UNC5B: variants seen among roughly 807,000 people sequenced by gnomAD.
UNC5B encodes the protein netrin receptor UNC5B.
A neutral mutation model predicts 103.7 loss-of-function variants in UNC5B; 56 were observed. The observed-to-expected ratio is 0.54, with a 90% CI of 0.44 to 0.67. The LOEUF is 0.67. Among genes scored for constraint, UNC5B ranks in the 30% least tolerant of loss-of-function variants. The pLI, the probability that UNC5B is intolerant of heterozygous loss-of-function variation, is 0.00. For synonymous variants in UNC5B, 577 were observed against 542.0 expected (o/e 1.06, Z -0.90); for missense variants, 1,194 against 1,284.5 (o/e 0.93, Z 1.08).
chr10:71,278,054 G>A (rs1844814330), intron 1 of UNC5B, among the ~76,000 whole-genome samples: 1 of 152,216 alleles, frequency 6.6e-6, no homozygotes, highest in African/African-American at 2.4e-5. Context: ...CTTTTGATCT[G>A]CCTCTTGTTA....
At chr10:71,247,694 A>G (rs1370297971) in intron 1 of UNC5B, among the ~76,000 whole-genome samples, 2 of 152,212 alleles carry the variant, frequency 1.3e-5, no homozygotes, top group Non-Finnish European at 2.9e-5. Flanking sequence ...AGCGAGCCAC[A>G]GCACCCACAC....
chr10:71,216,243 G>A (rs1009316783), intron 1 of UNC5B, among the ~76,000 whole-genome samples: 5 of 152,180 alleles, frequency 3.3e-5, no homozygotes, highest in African/African-American at 1.2e-4. Flanking sequence ...CCACCATCAT[G>A]GGTGTGGGCT....
chr10:71,255,291 T>C (rs1340019674), intron 1 of UNC5B, among the ~76,000 whole-genome samples: 1 of 152,208 alleles, frequency 6.6e-6, no homozygotes, highest in Non-Finnish European at 1.5e-5. Context: ...AGTAGAATTC[T>C]AGGTAAAAAG....
chr10:71,227,705 T>TACACACAC (rs1457951155), intron 1 of UNC5B, among the ~76,000 whole-genome samples: 58 of 120,682 alleles, frequency 4.8e-4, no homozygotes, highest in African/African-American at 9.0e-4. Context: ...TATACACACA[T>TACACACAC]ATACACACAC....
rs1844872645 is a variant in UNC5B, at chr10:71,279,857, T to TG, written c.116_117insG (p.Phe39LeufsTer61). On this transcript the variant is annotated frameshift_variant, in exon 2 of 17. Coordinates refer to ENST00000335350, the MANE Select transcript of UNC5B (RefSeq NM_170744.5). LOFTEE classifies it high-confidence loss of function. Reference sequence around the variant, plus strand: ...GGCAGCGAGGTGCTCCCTGACTCCTTCCCGTCAGCGCCAGCAGAGCCGCTG... The same window carrying TG: ...GGCAGCGAGGTGCTCCCTGACTCCTTGCCCGTCAGCGCCAGCAGAGCCGCTG... 3.1e-6 allele frequency: 5 copies of TG among 1,613,738 alleles called. No individual in the cohort carries two copies. The highest frequency in any genetic ancestry group is 4.2e-6 in the Non-Finnish European group (5 of 1,179,856).
At chr10:71,234,305 A>G (rs150556819) in intron 1 of UNC5B, among the ~76,000 whole-genome samples, 80 of 152,272 alleles carry the variant, frequency 5.3e-4, no homozygotes, top group African/African-American at 1.9e-3. Context: ...CCTCACGGAG[A>G]TGAGGCTTCA....
At chr10:71,290,800 C>CTCA in intron 8 of UNC5B, 115 bp from the exon 9 acceptor site, 3 of 1,300,322 alleles carry the variant, frequency 2.3e-6, no homozygotes, top group Non-Finnish European at 3.1e-6. Context: ...CAGACTGGAA[C>CTCA]TCAGCACCGG....
At chr10:71,255,829 A>G (rs1259130628) in intron 1 of UNC5B, among the ~76,000 whole-genome samples, 1 of 152,190 alleles carries the variant, frequency 6.6e-6, no homozygotes, top group African/African-American at 2.4e-5. Context: ...CTTGCATCCG[A>G]AGCCAAAGGG....
At chr10:71,260,182 C>G (rs780548542) in intron 1 of UNC5B, among the ~76,000 whole-genome samples, 1 of 152,244 alleles carries the variant, frequency 6.6e-6, no homozygotes, top group African/African-American at 2.4e-5. Context: ...CTTTTGCCAG[C>G]TGTCTCCAGC....
At chr10:71,275,392 A>C (rs547525653) in intron 1 of UNC5B, among the ~76,000 whole-genome samples, 36 of 152,332 alleles carry the variant, frequency 2.4e-4, no homozygotes, top group African/African-American at 8.7e-4. Context: ...AGTCCTGCAG[A>C]GAGGCCAGGG....
At chr10:71,278,186 T>C (rs1257526981) in intron 1 of UNC5B, among the ~76,000 whole-genome samples, 1 of 152,208 alleles carries the variant, frequency 6.6e-6, no homozygotes, top group Non-Finnish European at 1.5e-5. Context: ...GTTAACAACT[T>C]AAATTCCTGC....
In UNC5B at chr10:71,287,609, T is replaced by C; in HGVS notation, c.745T>C (p.Trp249Arg). ...ATVIVYVNGG[W>R]SSWAEWSPCS... is the part of the protein sequence containing the mutation. ...CTGCCGCCTTGCAGTGAATGGCGGC[T>C]GGTCCAGCTGGGCAGAGTGGTCACC... is the stretch of plus-strand genomic sequence containing the variant. Residue 249 changes from tryptophan to arginine, a missense_variant, in exon 6 of 17, where the codon TGG becomes CGG. Physicochemically the swap from Trp to Arg is moderately radical, Grantham distance 101. Coordinates refer to ENST00000335350, the MANE Select transcript of UNC5B (RefSeq NM_170744.5). The C allele has an allele frequency of 6.3e-7, 1 of 1,597,386 alleles. No homozygotes were observed. Among genetic ancestry groups the C allele is most frequent in the Non-Finnish European group, 8.5e-7 (1 of 1,172,400 alleles).
Position 71,285,409 on chromosome 10 carries a change from G to T in UNC5B, c.532G>T (p.Glu178Ter). ...GGTTCTCCTGCAGTGCCGCCCGCCG[G>T]AGGGGGTGCCTGTGGCCGAGGTGAG... ...HEVLLQCRPPEGVPVAEVEWL... is the reference protein window; with the variant it reads ...HEVLLQCRPP Residue 178 changes from glutamate (E) to a stop codon, truncating the protein, a stop_gained, in exon 4 of 17, where the codon GAG becomes TAG. Transcript: ENST00000335350. LOFTEE classifies it high-confidence loss of function. The T allele has an allele frequency of 6.2e-7, 1 of 1,603,888 alleles. No individual in the cohort carries two copies. The highest frequency in any genetic ancestry group is 8.5e-7 in the Non-Finnish European group (1 of 1,176,434).
chr10:71,238,764 T>C (rs1732762813), intron 1 of UNC5B, among the ~76,000 whole-genome samples: 1 of 152,158 alleles, frequency 6.6e-6, no homozygotes, highest in Non-Finnish European at 1.5e-5. Flanking sequence ...CTCTTATACA[T>C]ATCCTCAGAA....
rs540721859 is a variant in UNC5B, at chr10:71,248,848, GTCTC to G, written c.80-30956_80-30953del. The stretch of plus-strand genomic sequence containing the variant: ...TGGGTACAGGCTCCTCCCTCTCTCT[GTCTC>G]TCTCTCTCTCTCTCTCACACACACA... On this transcript the variant is annotated intron_variant, in intron 1 of 16. Coordinates refer to ENST00000335350, the MANE Select transcript of UNC5B (RefSeq NM_170744.5). Among the ~76,000 whole-genome samples, 76 of 146,450 alleles carry G rather than the reference GTCTC, an allele frequency of 5.2e-4. 1 individual carries two copies. The highest frequency in any genetic ancestry group is 1.6e-3 in the East Asian group (8 of 4,908).
intron 1 of UNC5B, among the ~76,000 whole-genome samples, chr10:71,264,974 A>T (rs758713325): frequency 0.044 from 5,646 of 128,608 alleles, 180 homozygotes; most frequent in African/African-American, 0.12. Flanking sequence ...GTCTCTATAA[A>T]AAAAAAAAAA....
chr10:71,222,586 C>G (rs564042099), intron 1 of UNC5B, among the ~76,000 whole-genome samples: 3 of 152,196 alleles, frequency 2.0e-5, no homozygotes, highest in South Asian at 2.1e-4. Flanking sequence ...GATTCTCTCC[C>G]TGTGCATCTC....
chr10:71,217,132 CCTCCTCCTT>C (rs1843346784), intron 1 of UNC5B: 1 of 152,724 alleles, frequency 6.5e-6, no homozygotes, highest in South Asian at 2.1e-4. Flanking sequence ...CTCTTGGCGT[CCTCCTCCTT>C]CTCCTCCTCA....
chr10:71,293,260 C>T, intron 11 of UNC5B, 145 bp from the exon 12 acceptor site: 2 of 896,968 alleles, frequency 2.2e-6, no homozygotes, highest in South Asian at 4.6e-5. Context: ...TCCTTTGCCC[C>T]CATGACCTCT....
Sources: allele counts gnomAD v4.1 joint callset (sites outside exome capture counted in the v4.1 genomes callset), GRCh38; gene constraint gnomAD v4.1.1; transcripts MANE v1.5; gene names NCBI Gene and HGNC (gene_info 2026-07-23, HGNC 2026-07-21).